The following RSF1 variants were observed in gnomAD, a reference collection of about 807,000 sequenced individuals.
The protein encoded by RSF1 is remodeling and spacing factor 1, also known as HBV pX-associated protein 8.
A neutral mutation model predicts 145.2 loss-of-function variants in RSF1; 13 were observed. The ratio of observed to expected loss-of-function variants is 0.09; its 90% CI spans 0.06 to 0.14. RSF1 has a LOEUF of 0.14. Among genes scored for constraint, RSF1 ranks in the 10% least tolerant of loss-of-function variants. The probability of loss-of-function intolerance (pLI) is 1.00; values close to 1 mark genes in which losing one functional copy is unlikely to be tolerated. For missense variants in RSF1, 1,517 were observed against 1,718.2 expected (o/e 0.88, Z 2.07); for synonymous variants, 577 against 592.6 (o/e 0.97, Z 0.38).
intron 15 of RSF1, among the ~76,000 whole-genome samples, chr11:77,669,189 C>T (rs7118516): frequency 0.18 from 27,361 of 152,118 alleles, 3,117 homozygotes; most frequent in African/African-American, 0.31. Flanking sequence ...AACATATCCA[C>T]AATGTGACTG....
At chr11:77,671,989 A>C in intron 15 of RSF1, 53 bp downstream of exon 15, 1 of 1,425,682 alleles carries the variant, frequency 7.0e-7, no homozygotes, top group Non-Finnish European at 9.6e-7. Flanking sequence ...TTCACTTTAT[A>C]ATGTCTATTT....
At chr11:77,852,224 C>CAAAAAAAAAAAAAAAAAAAAAAAAAA in the RSF1 span, among the ~76,000 whole-genome samples, 6 of 33,514 alleles carry the variant, frequency 1.8e-4, no homozygotes, top group East Asian at 9.5e-4. Flanking sequence ...GACACTGTCT[C>CAAAAAAAAAAAAAAAAAAAAAAAAAA]AAAAAAAAAA....
In RSF1 at chr11:77,684,822, T is replaced by C. The variant is rs141807742; in HGVS notation, c.2955+283A>G. On this transcript the variant is annotated intron_variant, in intron 10 of 15. Transcript: ENST00000308488. ...GGCCAACATGGTGAAACCCCGTCTG[T>C]ACTAAAAATACAAAAATTAGCCGGT... is the stretch of plus-strand genomic sequence containing the variant. Among the ~76,000 whole-genome samples the C allele has an allele frequency of 7.4e-3, 1,119 of 152,066 alleles. 13 individuals are homozygous for C. The highest frequency in any genetic ancestry group is 0.026 in the African/African-American group (1,069 of 41,448).
intron 15 of RSF1, among the ~76,000 whole-genome samples, chr11:77,670,797 G>A (rs1959502331): frequency 6.6e-6 from 1 of 151,572 alleles, no homozygotes; most frequent in Admixed American, 6.6e-5. Flanking sequence ...ATCTATGAAA[G>A]CAAAACAATC....
the RSF1 span, among the ~76,000 whole-genome samples, chr11:77,854,508 C>T: frequency 6.6e-6 from 1 of 152,232 alleles, no homozygotes; most frequent in Non-Finnish European, 1.5e-5. Flanking sequence ...CCATGCAAGT[C>T]TGAAACCCAG....
chr11:77,762,027 C>CTTTTTTCTTTTTTTTTTTTTTTTTTT lies in RSF1; in HGVS notation c.279+2570_279+2571insAAAAAAAAAAAAAAAAAAAGAAAAAA, dbSNP rs1554994584. 2.9e-4 allele frequency: 17 copies of CTTTTTTCTTTTTTTTTTTTTTTTTTT among 58,744 alleles called. 1 individual carries two copies. Among genetic ancestry groups the CTTTTTTCTTTTTTTTTTTTTTTTTTT allele is most frequent in the African/African-American group, 1.2e-3 (16 of 12,870 alleles). The allele number at this position is 58,744 out of a possible 1,614,324, so 3.6% of individuals were successfully genotyped here. On this transcript the variant is annotated intron_variant, in intron 2 of 15. Coordinates refer to ENST00000308488, the MANE Select transcript of RSF1 (RefSeq NM_016578.4). ...TTTTTGTATTATTTTCTTTTCTTTT[C>CTTTTTTCTTTTTTTTTTTTTTTTTTT]TTTTTTTTTTTTTTTTTTTTTTGTA... is the stretch of plus-strand genomic sequence containing the variant.
At chr11:77,792,574 C>T (rs1948528065) in intron 1 of RSF1, among the ~76,000 whole-genome samples, 1 of 152,160 alleles carries the variant, frequency 6.6e-6, no homozygotes, top group South Asian at 2.1e-4. Flanking sequence ...TCACCACAGC[C>T]TCTACTAATA....
the RSF1 span, among the ~76,000 whole-genome samples, chr11:77,830,918 ATTGC>A: frequency 2.7e-5 from 4 of 148,742 alleles, no homozygotes; most frequent in Admixed American, 1.4e-4. Context: ...AGGTGGGAGA[ATTGC>A]TTGAGTCCAG....
chr11:77,688,988 A>G (rs1960081125), intron 9 of RSF1, among the ~76,000 whole-genome samples: 2 of 152,338 alleles, frequency 1.3e-5, no homozygotes, highest in African/African-American at 4.8e-5. Flanking sequence ...GGACAAGCTG[A>G]TTGCCTTAAG....
chr11:77,811,840 A>G (rs1948734422), intron 1 of RSF1, among the ~76,000 whole-genome samples: 1 of 152,170 alleles, frequency 6.6e-6, no homozygotes, highest in African/African-American at 2.4e-5. Flanking sequence ...ACTTGGGTAG[A>G]TGATAGTAAC....
At chr11:77,748,683 C>T (rs575624143) in intron 2 of RSF1, among the ~76,000 whole-genome samples, 4 of 152,208 alleles carry the variant, frequency 2.6e-5, no homozygotes, top group African/African-American at 9.6e-5. Flanking sequence ...GTTGACGATA[C>T]GGAAAAATTT....
At chr11:77,784,562 G>C (rs1043348894) in intron 1 of RSF1, among the ~76,000 whole-genome samples, 1 of 152,034 alleles carries the variant, frequency 6.6e-6, no homozygotes, top group African/African-American at 2.4e-5. Context: ...AATTAAGCTT[G>C]GATGTTGGAA....
chr11:77,744,784 A>G (rs908931126), intron 3 of RSF1, among the ~76,000 whole-genome samples: 5 of 152,162 alleles, frequency 3.3e-5, no homozygotes, highest in Non-Finnish European at 7.4e-5. Flanking sequence ...GTTTGTGTCC[A>G]GTTTTGGGAT....
At chr11:77,762,030 T>TTTTCTTTC (rs796302107) in intron 2 of RSF1, 8 of 99,086 alleles carry the variant, frequency 8.1e-5, no homozygotes, top group Non-Finnish European at 1.3e-4. Context: ...TTCTTTTCTT[T>TTTTCTTTC]TTTTTTTTTT....
chr11:77,727,398 A>C (rs886463842), intron 4 of RSF1, among the ~76,000 whole-genome samples: 1 of 152,162 alleles, frequency 6.6e-6, no homozygotes, highest in African/African-American at 2.4e-5. Context: ...GTTATGCACC[A>C]TAACAATTTT....
chr11:77,735,552 C>T (rs1961327295), intron 4 of RSF1, among the ~76,000 whole-genome samples: 1 of 151,568 alleles, frequency 6.6e-6, no homozygotes, highest in African/African-American at 2.4e-5. Context: ...CAACACCAGC[C>T]GATCACCAAG....
chr11:77,823,145 G>A (rs1286441703), upstream of RSF1, among the ~76,000 whole-genome samples: 1 of 150,150 alleles, frequency 6.7e-6, no homozygotes. Flanking sequence ...GACCCGGGAG[G>A]CGGAGCTTGC....
At chr11:77,816,554 T>C (rs1342756737) in intron 1 of RSF1, among the ~76,000 whole-genome samples, 1 of 152,250 alleles carries the variant, frequency 6.6e-6, no homozygotes, top group Non-Finnish European at 1.5e-5. Context: ...TAGTATAAAC[T>C]ATGAGAATCC....
chr11:77,691,291 T>G, intron 8 of RSF1, 53 bp from the exon 9 acceptor site: 1 of 1,489,104 alleles, frequency 6.7e-7, no homozygotes, highest in Non-Finnish European at 9.4e-7. Flanking sequence ...AGCAATCATT[T>G]ATTACATACA....
Sources: gnomAD v4.1 joint callset for allele counts (sites outside exome capture counted in the v4.1 genomes callset) on GRCh38, gnomAD v4.1.1 for gene constraint, MANE v1.5 for transcripts, NCBI Gene and HGNC (gene_info 2026-07-23, HGNC 2026-07-21) for gene names.